The following RASL12 variants were observed in gnomAD, a reference collection of about 807,000 sequenced individuals.
RASL12 encodes the protein RAS like family 12.
A neutral mutation model predicts 22.9 loss-of-function variants in RASL12; 16 were observed. The ratio of observed to expected loss-of-function variants is 0.70; its 90% CI spans 0.47 to 1.06. The LOEUF is 1.06. Among genes scored for constraint, RASL12 ranks in the 50% least tolerant of loss-of-function variants. The pLI, the probability that RASL12 is intolerant of heterozygous loss-of-function variation, is 0.00. For missense variants in RASL12, 306 were observed against 353.1 expected (o/e 0.87, Z 1.07); for synonymous variants, 159 against 152.2 (o/e 1.04, Z -0.33).
downstream of RASL12, chr15:65,050,044 A>C: frequency 6.4e-7 from 1 of 1,551,716 alleles, no homozygotes; most frequent in Non-Finnish European, 8.7e-7. Flanking sequence ...CCCAGCCGGT[A>C]CTGTGGTACC....
intron 2 of RASL12, among the ~76,000 whole-genome samples, chr15:65,061,308 C>T (rs996222406): frequency 1.3e-5 from 2 of 152,264 alleles, no homozygotes; most frequent in African/African-American, 2.4e-5. Context: ...CCCCTCACCC[C>T]GTGACTGCTC....
rs191547773 is a variant in RASL12, at chr15:65,061,689, T to C, written c.161-2271A>G. ...GCCGATGTTTTCCTCTCATTTATAG[T>C]AATAATTTTTAAATGGCACCACAGA... On this transcript the variant is annotated intron_variant, in intron 2 of 4. Transcript: ENST00000220062. 3.0e-3 allele frequency among the ~76,000 whole-genome samples: 461 copies of C among 152,312 alleles called. 3 individuals carry two copies. Among genetic ancestry groups the C allele is most frequent in the African/African-American group, 1.0e-2 (414 of 41,552 alleles).
chr15:65,054,638 T>A lies in RASL12; in HGVS notation c.*261A>T. 1 of 1,349,804 alleles carries A rather than the reference T, an allele frequency of 7.4e-7. No homozygotes were observed. The highest frequency in any genetic ancestry group is 9.5e-7 in the Non-Finnish European group (1 of 1,049,442). The allele number at this position is 1,349,804 out of a possible 1,614,324, so 83.6% of individuals were successfully genotyped here. ...CTTCCTACTTAAGGCTGACCCCAGG[T>A]CTCTGGGTTGTCACAGTGGCTGTTT... On this transcript the variant is annotated 3_prime_UTR_variant, in exon 5 of 5. Transcript: ENST00000220062.
downstream of RASL12, among the ~76,000 whole-genome samples, chr15:65,051,896 T>C (rs1411856679): frequency 6.6e-6 from 1 of 152,082 alleles, no homozygotes; most frequent in Non-Finnish European, 1.5e-5. Context: ...TCTCACCCTA[T>C]CAGCACACAT....
At chr15:65,067,708 G>A in intron 1 of RASL12, 25 bp downstream of exon 1, 2 of 1,531,786 alleles carry the variant, frequency 1.3e-6, no homozygotes, top group Non-Finnish European at 8.8e-7. Flanking sequence ...GCACTTGGCG[G>A]CTCAGGCTCC....
At chr15:65,051,375 G>A, downstream of RASL12, 1 of 727,930 alleles carries the variant, frequency 1.4e-6, no homozygotes, top group East Asian at 2.7e-5. Context: ...CCCAGGGCAA[G>A]GGGCCCATCT....
chr15:65,052,881 C>G, downstream of RASL12: 1 of 1,306,702 alleles, frequency 7.7e-7, no homozygotes, highest in African/African-American at 1.5e-5. Flanking sequence ...GAATTTTCCC[C>G]TTAGACTCTT....
chr15:65,055,380 G>T, intron 4 of RASL12, 106 bp from the exon 5 acceptor site: 1 of 976,620 alleles, frequency 1.0e-6, no homozygotes, highest in Non-Finnish European at 1.5e-6. Flanking sequence ...GTGGCCTGGG[G>T]TCATCTTCAC....
chr15:65,057,456 G>A (rs2086746538), intron 4 of RASL12, among the ~76,000 whole-genome samples: 1 of 152,206 alleles, frequency 6.6e-6, no homozygotes, highest in African/African-American at 2.4e-5. Context: ...GTAAACCACG[G>A]GGAGTGGTGA....
intron 1 of RASL12, among the ~76,000 whole-genome samples, chr15:65,076,056 T>G (rs1055536494): frequency 6.6e-6 from 1 of 152,188 alleles, no homozygotes; most frequent in Non-Finnish European, 1.5e-5. Context: ...TGTATCTAGC[T>G]CAGGGATTGT....
In RASL12 at chr15:65,054,954, T is replaced by G; in HGVS notation, c.746A>C (p.Gln249Pro). 6.2e-7 allele frequency: 1 copy of G among 1,614,198 alleles called. No homozygotes were observed. The highest frequency in any genetic ancestry group is 8.5e-7 in the Non-Finnish European group (1 of 1,180,024). Residue 249 changes from glutamine (Q) to proline (P), a missense_variant, in exon 5 of 5, where the codon CAG becomes CCG. Gln to Pro is a moderately conservative substitution (Grantham distance 76). Transcript: ENST00000220062. ...KLVTVKSSRA[Q>P]SKRKAPTLTL... ...CAGGGTAGGCGCCTTGCGCTTGCTCTGGGCCCGGGATGACTTCACGGTGAC... is the reference window on the plus strand; with the variant it reads ...CAGGGTAGGCGCCTTGCGCTTGCTCGGGGCCCGGGATGACTTCACGGTGAC...
upstream of RASL12, among the ~76,000 whole-genome samples, chr15:65,071,365 G>A (rs967373753): frequency 3.3e-5 from 5 of 152,064 alleles, no homozygotes; most frequent in Non-Finnish European, 5.9e-5. Context: ...GGAACTCTGT[G>A]GGCTGCCCAC....
In RASL12 at chr15:65,067,966, G is replaced by A; in HGVS notation, c.-131C>T. On this transcript the variant is annotated 5_prime_UTR_variant, in exon 1 of 5. Coordinates refer to ENST00000220062, the MANE Select transcript of RASL12 (RefSeq NM_016563.4). ...CGGCCCCGGACCCGTCGGCGTCCGC[G>A]CCCTCGGCCCCGCGTCCAGCGGGCT... 8.5e-7 allele frequency: 1 copy of A among 1,181,978 alleles called. No individual in the cohort carries two copies. Among genetic ancestry groups the A allele is most frequent in the Non-Finnish European group, 1.0e-6 (1 of 956,152 alleles). The allele number at this position is 1,181,978 out of a possible 1,614,324, so 73.2% of individuals were successfully genotyped here. A position where few individuals can be genotyped will look rare whatever the true frequency, so the allele number is the denominator to read the frequency against.
In RASL12 at chr15:65,058,518, A is replaced by AGCT; in HGVS notation, c.331_333dup (p.Ser111dup). The AGCT allele has an allele frequency of 6.2e-7, 1 of 1,611,620 alleles. No homozygotes were observed. Among genetic ancestry groups the AGCT allele is most frequent in the Non-Finnish European group, 8.5e-7 (1 of 1,178,426 alleles). Reference sequence around the variant, plus strand: ...GCGTGCAAGGCAAGCAGCTCCAGGTAGCTGCTGCTGCTATCAAAGCTCTGG... The same window carrying AGCT: ...GCGTGCAAGGCAAGCAGCTCCAGGTAGCTGCTGCTGCTGCTATCAAAGCTCTGG... On this transcript the variant is annotated inframe_insertion, in exon 4 of 5. Coordinates refer to ENST00000220062, the MANE Select transcript of RASL12 (RefSeq NM_016563.4).
At position 65,054,981 on chromosome 15, in the gene RASL12, A is replaced by G. The variant is rs745905218; in HGVS notation, c.719T>C (p.Leu240Pro). The G allele has an allele frequency of 9.3e-6, 15 of 1,614,076 alleles. No individual in the cohort carries two copies. The African/African-American group carries it at 2.0e-4, about 22-fold the overall frequency. Residue 240 changes from leucine (L) to proline (P), a missense_variant, in exon 5 of 5, where the codon CTG becomes CCG. Transcript: ENST00000220062. The stretch of plus-strand genomic sequence containing the variant: ...GGCCCGGGATGACTTCACGGTGACC[A>G]GCTTGGCCTGGGCCACAGTGGGCAT... ...KEMPTVAQAK[L>P]VTVKSSRAQS...
chr15:65,075,849 G>A (rs1350097224), intron 1 of RASL12, among the ~76,000 whole-genome samples: 2 of 150,706 alleles, frequency 1.3e-5, no homozygotes, highest in African/African-American at 2.5e-5. Flanking sequence ...GTCTAGCTCA[G>A]GGATTGTAAA....
At position 65,054,189 on chromosome 15, in the gene RASL12, G is replaced by A. The variant is rs2086695799; in HGVS notation, c.*710C>T. 1.0e-6 allele frequency: 1 copy of A among 985,800 alleles called. No homozygotes were observed. Among genetic ancestry groups the A allele is most frequent in the African/African-American group, 1.7e-5 (1 of 57,244 alleles). The allele number at this position is 985,800 out of a possible 1,614,324, so 61.1% of individuals were successfully genotyped here. On this transcript the variant is annotated 3_prime_UTR_variant, in exon 5 of 5. Transcript: ENST00000220062. The stretch of plus-strand genomic sequence containing the variant: ...CTTTGGACAGAGTCCTTAACAGTGG[G>A]AAAACACATGGAGAATCTGTCTGCT...
intron 4 of RASL12, among the ~76,000 whole-genome samples, chr15:65,055,745 G>A (rs2086723480): frequency 6.6e-6 from 1 of 152,228 alleles, no homozygotes; most frequent in South Asian, 2.1e-4. Context: ...TTGGACTGAA[G>A]GGTTAGACCA....
the RASL12 span, among the ~76,000 whole-genome samples, chr15:65,048,146 A>G: frequency 6.6e-6 from 1 of 151,328 alleles, no homozygotes; most frequent in Non-Finnish European, 1.5e-5. Context: ...ACGTCACTGC[A>G]CTCCAGCCTG....
Sources: gnomAD v4.1 joint callset for allele counts (sites outside exome capture counted in the v4.1 genomes callset) on GRCh38, gnomAD v4.1.1 for gene constraint, MANE v1.5 for transcripts, NCBI Gene and HGNC (gene_info 2026-07-23, HGNC 2026-07-21) for gene names.